Variants in RTCB observed in about 807,000 individuals in gnomAD.
The protein encoded by RTCB is RNA-splicing ligase RTCB.
Under a neutral mutation model 58.2 loss-of-function variants are expected in RTCB, and 32 were observed. The ratio of observed to expected loss-of-function variants is 0.55; its 90% CI spans 0.41 to 0.74. The LOEUF (loss-of-function observed/expected upper bound fraction) is 0.74. Among genes scored for constraint, RTCB ranks in the 30% least tolerant of loss-of-function variants. The pLI is 0.00. For missense variants in RTCB, 523 were observed against 639.0 expected (o/e 0.82, Z 1.96); for synonymous variants, 247 against 218.6 (o/e 1.13, Z -1.15).
At chr22:32,399,257 C>T (rs867465699) in intron 6 of RTCB, among the ~76,000 whole-genome samples, 6 of 152,182 alleles carry the variant, frequency 3.9e-5, no homozygotes, top group Middle Eastern at 6.8e-3. Context: ...CTGTCTTAGC[C>T]TTCTGAGTAG....
Position 32,412,069 on chromosome 22 carries a change from T to G in RTCB, c.88A>C (p.Met30Leu), listed in dbSNP as rs1283577621. The change falls in exon 1 of 12, where the codon ATG becomes CTG. Residue 30 changes from methionine to leucine, a missense_variant. Met to Leu is a conservative substitution (Grantham distance 15, BLOSUM62 2). Transcript: ENST00000216038. Reference sequence around the variant, plus strand: ...CATTTGCTCTCCTGCCTTACCTGCATGTTGGGCACGAAGCCCTTCTTGATC... The same window carrying G: ...CATTTGCTCTCCTGCCTTACCTGCAGGTTGGGCACGAAGCCCTTCTTGATC... ...WRIKKGFVPN[M>L]QVEGVFYVND... 8 of 1,605,078 alleles carry G rather than the reference T, an allele frequency of 5.0e-6. No individual in the cohort carries two copies. The highest frequency in any genetic ancestry group is 6.8e-6 in the Non-Finnish European group (8 of 1,177,462).
At chr22:32,391,240 C>T (rs1192693332) in intron 11 of RTCB, among the ~76,000 whole-genome samples, 2 of 152,122 alleles carry the variant, frequency 1.3e-5, no homozygotes, top group African/African-American at 4.8e-5. Flanking sequence ...GTAAGGTACT[C>T]AGCTGGTGGA....
At chr22:32,391,448 T>A (rs1022108070) in intron 11 of RTCB, among the ~76,000 whole-genome samples, 1 of 150,438 alleles carries the variant, frequency 6.6e-6, no homozygotes, top group Admixed American at 6.7e-5. Context: ...TAGGCTGGAG[T>A]GCAGTGGCAT....
At chr22:32,392,428 C>G (rs73881677) in intron 10 of RTCB, 69 bp from the exon 11 acceptor site, 1 of 1,601,292 alleles carries the variant, frequency 6.2e-7, no homozygotes, top group Admixed American at 1.7e-5. Context: ...GATTTTCTCT[C>G]ACACTAAAAA....
At position 32,401,947 on chromosome 22, in the gene RTCB, T is replaced by G. The variant is rs1250898229; in HGVS notation, c.341-44A>C. 2.5e-6 allele frequency: 4 copies of G among 1,591,480 alleles called. No individual in the cohort carries two copies. The African/African-American group carries it at 4.0e-5, about 16-fold the overall frequency. On this transcript the variant is annotated intron_variant, in intron 4 of 11. Coordinates refer to ENST00000216038, the MANE Select transcript of RTCB (RefSeq NM_014306.5). ...TTAGCAAAACCAGCTGGTAAGGCAC[T>G]GTTACCTGCAGTTTCTCGCCATTAA...
At chr22:32,406,381 G>A (rs935698292) in intron 4 of RTCB, among the ~76,000 whole-genome samples, 1 of 151,970 alleles carries the variant, frequency 6.6e-6, no homozygotes, top group African/African-American at 2.4e-5. Context: ...GGAGTACAGT[G>A]GCACGAACTC....
chr22:32,394,039 G>T, intron 9 of RTCB, 37 bp from the exon 10 acceptor site: 1 of 1,399,176 alleles, frequency 7.1e-7, no homozygotes, highest in Non-Finnish European at 1.0e-6. Context: ...TTAAAATTCA[G>T]AAAAACATAG....
chr22:32,401,315 T>C (rs1933332563), intron 5 of RTCB, among the ~76,000 whole-genome samples: 1 of 151,956 alleles, frequency 6.6e-6, no homozygotes, highest in Non-Finnish European at 1.5e-5. Flanking sequence ...CTTTTACTCC[T>C]GGACTCAAGT....
At chr22:32,388,198 A>G (rs1272147391) in intron 11 of RTCB, 99 bp from the exon 12 acceptor site, 2 of 707,688 alleles carry the variant, frequency 2.8e-6, no homozygotes, top group Non-Finnish European at 4.8e-6. Context: ...ACACTAAAAT[A>G]ATACAGAGAG....
At chr22:32,408,724 A>C (rs1284678740) in intron 2 of RTCB, 31 bp downstream of exon 2, 4 of 1,516,248 alleles carry the variant, frequency 2.6e-6, no homozygotes, top group Non-Finnish European at 3.7e-6. Flanking sequence ...GCACTACCGT[A>C]CTAACACAAG....
At position 32,409,823 on chromosome 22, in the gene RTCB, G is replaced by GT. The variant is rs1265587832; in HGVS notation, c.94-991dup. On this transcript the variant is annotated intron_variant, in intron 1 of 11. Transcript: ENST00000216038. ...CACAATACAGCTCTTATATACTTTT[G>GT]TTTTTTTTTTTTGAGACTGAGTCTT... Among the ~76,000 whole-genome samples, 113 of 38,750 alleles carry GT rather than the reference G, an allele frequency of 2.9e-3. 1 individual carries two copies. In the South Asian group the frequency reaches 0.033, roughly 11 times the overall value. 25.4% of individuals were successfully genotyped at this position (38,750 alleles called of 152,430 possible).
intron 4 of RTCB, among the ~76,000 whole-genome samples, chr22:32,404,876 G>C (rs1245666765): frequency 6.6e-6 from 1 of 151,600 alleles, no homozygotes; most frequent in Non-Finnish European, 1.5e-5. Flanking sequence ...TTTAGAGACG[G>C]GGTTTTGTCA....
chr22:32,398,216 T>C (rs927561184), intron 6 of RTCB, 116 bp from the exon 7 acceptor site: 4 of 1,160,190 alleles, frequency 3.4e-6, no homozygotes, highest in Non-Finnish European at 4.9e-6. Context: ...CAAATAGTGT[T>C]TCAGTAACAA....
In RTCB at chr22:32,396,115, C is replaced by T; in HGVS notation, c.949G>A (p.Ala317Thr). 6.2e-7 allele frequency: 1 copy of T among 1,614,172 alleles called. No individual in the cohort carries two copies. ...GTCATGGAAGAGCGGTTGACCCAGGCATAGTTCCCAGCAGCTGCCATTCCC... is the reference window on the plus strand; with the variant it reads ...GTCATGGAAGAGCGGTTGACCCAGGTATAGTTCCCAGCAGCTGCCATTCCC... ...LKGMAAAGNY[A>T]WVNRSSMTFL... Residue 317 changes from alanine (A) to threonine (T), a missense_variant, in exon 8 of 12, where the codon GCC becomes ACC. By Grantham distance (58) the Ala-to-Thr change is moderately conservative (BLOSUM62 0). Around this residue, in one of 3 missense-constraint regions of RTCB, gnomAD observed 248 missense variants for 292.5 expected, o/e 0.85. Transcript: ENST00000216038.
chr22:32,398,742 G>A (rs967637848), intron 6 of RTCB, among the ~76,000 whole-genome samples: 11 of 152,254 alleles, frequency 7.2e-5, no homozygotes, highest in African/African-American at 2.4e-4. Context: ...CTTAGACAAG[G>A]TCCAAGTTCA....
chr22:32,402,018 T>A, intron 4 of RTCB, 115 bp from the exon 5 acceptor site: 1 of 1,114,758 alleles, frequency 9.0e-7, no homozygotes. Flanking sequence ...AACTATGTTT[T>A]AAAGTAGACA....
In RTCB at chr22:32,412,162, C is replaced by T. The variant is rs749175871; in HGVS notation, c.-6G>A. ...TCATTATAGCTGCGACTCATGGTGG[C>T]GAAAACTGTAGCAAAAACTCCCGGC... On this transcript the variant is annotated 5_prime_UTR_variant, in exon 1 of 12. Transcript: ENST00000216038. 11 of 1,586,198 alleles carry T rather than the reference C, an allele frequency of 6.9e-6. No individual in the cohort carries two copies. The African/African-American group carries it at 1.5e-4, about 22-fold the overall frequency.
rs368836382 is a variant in RTCB at position 32,406,807 on chromosome 22, C to A, written c.241-46G>T. The A allele has an allele frequency of 8.5e-6, 11 of 1,300,918 alleles. No individual in the cohort carries two copies. The African/African-American group carries it at 1.6e-4, about 19-fold the overall frequency. 80.6% of individuals were successfully genotyped at this position (1,300,918 alleles called of 1,614,324 possible). On this transcript the variant is annotated intron_variant, in intron 3 of 11. Transcript: ENST00000216038. ...GAAATACAAGTGTCTTGACCTGCTA[C>A]CCTGGATGCCCTGATGGACCTGACA...
At chr22:32,396,979 G>A (rs1933256230) in intron 7 of RTCB, among the ~76,000 whole-genome samples, 1 of 152,116 alleles carries the variant, frequency 6.6e-6, no homozygotes, top group Admixed American at 6.5e-5. Flanking sequence ...CACGCCCCAG[G>A]CACAAGTGTT....
Sources: allele counts gnomAD v4.1 joint callset (sites outside exome capture counted in the v4.1 genomes callset), GRCh38; gene constraint gnomAD v4.1.1; regional missense constraint gnomAD v4.1.1; transcripts MANE v1.5; gene names NCBI Gene and HGNC (gene_info 2026-07-23, HGNC 2026-07-21).